Variants in RNF217 observed in about 807,000 individuals in gnomAD.
The protein encoded by RNF217 is E3 ubiquitin-protein ligase RNF217.
RNF217 carries 31 observed loss-of-function variants against 57.8 expected under a neutral mutation model. The observed-to-expected ratio is 0.54, with a 90% CI of 0.40 to 0.72. The LOEUF (loss-of-function observed/expected upper bound fraction) is 0.72, where lower values mean the gene tolerates loss of function less well. Ranked by LOEUF, RNF217 falls within the 30% of genes least tolerant of loss-of-function variation. RNF217 has a pLI of 0.00. For missense variants in RNF217, 696 were observed against 708.3 expected (o/e 0.98, Z 0.20); for synonymous variants, 313 against 294.0 (o/e 1.06, Z -0.66).
chr6:124,980,400 G>A (rs2115012618), intron 1 of RNF217, among the ~76,000 whole-genome samples: 1 of 152,140 alleles, frequency 6.6e-6, no homozygotes, highest in Non-Finnish European at 1.5e-5. Context: ...AAATAACAAA[G>A]GTCTTACTGG....
rs536403047 is a variant in RNF217 at position 125,074,424 on chromosome 6, C to T, written c.1282-2233C>T. On this transcript the variant is annotated intron_variant, in intron 3 of 5. Coordinates refer to ENST00000521654, the MANE Select transcript of RNF217 (RefSeq NM_001286398.3). ...TTTTGTGATTACTATGATTAATGGCCGTTATTAGTTCACAAGCAGCCTCAT... is the reference window on the plus strand; with the variant it reads ...TTTTGTGATTACTATGATTAATGGCTGTTATTAGTTCACAAGCAGCCTCAT... Among the ~76,000 whole-genome samples the T allele has an allele frequency of 1.4e-4, 22 of 151,906 alleles. No individual in the cohort carries two copies. The South Asian group carries it at 3.5e-3, about 24-fold the overall frequency.
Position 125,030,255 on chromosome 6 carries a change from C to CAG in RNF217, c.883-14955_883-14954dup, listed in dbSNP as rs552560362. 1.4e-4 allele frequency among the ~76,000 whole-genome samples: 21 copies of CAG among 152,234 alleles called. 1 individual carries two copies. In the South Asian group the frequency reaches 4.1e-3, roughly 30 times the overall value. On this transcript the variant is annotated intron_variant, in intron 1 of 5. Transcript: ENST00000521654. ...TCAGGTTGAGATTTCAGTGGGGGCA[C>CAG]AGCCAAACCATATCATTCTGCCCCT...
chr6:125,013,391 T>C (rs558248308), intron 1 of RNF217, among the ~76,000 whole-genome samples: 1 of 145,340 alleles, frequency 6.9e-6, no homozygotes, highest in Non-Finnish European at 1.5e-5. Flanking sequence ...GTGTGTGTGC[T>C]GTTTTTGAGA....
intron 1 of RNF217, among the ~76,000 whole-genome samples, chr6:124,979,051 A>C (rs1184871542): frequency 6.6e-6 from 1 of 152,092 alleles, no homozygotes; most frequent in Admixed American, 6.5e-5. Flanking sequence ...ATAGAGAGAG[A>C]GAGTGTAAGA....
intron 1 of RNF217, among the ~76,000 whole-genome samples, chr6:124,997,244 A>G (rs1784789658): frequency 6.6e-6 from 1 of 152,082 alleles, no homozygotes; most frequent in South Asian, 2.1e-4. Context: ...GGCTCCATGT[A>G]TTTGCATGTA....
intron 3 of RNF217, 35 bp downstream of exon 3, chr6:125,058,141 G>A (rs777757267): frequency 2.0e-5 from 31 of 1,579,724 alleles, no homozygotes; most frequent in Non-Finnish European, 2.5e-5. Context: ...GAAAAAACAT[G>A]TACATCTGGA....
At chr6:125,030,961 G>A (rs772813959) in intron 1 of RNF217, among the ~76,000 whole-genome samples, 10 of 152,154 alleles carry the variant, frequency 6.6e-5, no homozygotes, top group Admixed American at 1.3e-4. Context: ...GCATCCGGGC[G>A]TTTCCCTACA....
At position 125,027,507 on chromosome 6, in the gene RNF217, ATAG is replaced by A. The variant is rs1314229655; in HGVS notation, c.883-17701_883-17699del. 7.9e-5 allele frequency among the ~76,000 whole-genome samples: 12 copies of A among 152,312 alleles called. No individual in the cohort carries two copies. The South Asian group carries it at 2.5e-3, about 32-fold the overall frequency. On this transcript the variant is annotated intron_variant, in intron 1 of 5. Coordinates refer to ENST00000521654, the MANE Select transcript of RNF217 (RefSeq NM_001286398.3). Reference sequence around the variant, plus strand: ...GGATGTCATTCTTTTTTATGGCTGAATAGTACTCCATTGTGTATATGTACCACA... The same window carrying A: ...GGATGTCATTCTTTTTTATGGCTGAATACTCCATTGTGTATATGTACCACA...
chr6:124,978,374 G>A (rs896542230), intron 1 of RNF217, among the ~76,000 whole-genome samples: 5 of 151,582 alleles, frequency 3.3e-5, no homozygotes, highest in African/African-American at 7.3e-5. Context: ...GTGGCTCTGC[G>A]CTCAGCCCAT....
chr6:125,079,438 TAA>T (rs760651906), intron 4 of RNF217, among the ~76,000 whole-genome samples: 17 of 125,872 alleles, frequency 1.4e-4, no homozygotes, highest in East Asian at 2.3e-4. Context: ...AATACTCAAT[TAA>T]AAAAAAAAAA....
intron 1 of RNF217, among the ~76,000 whole-genome samples, chr6:125,025,058 G>A (rs1052296689): frequency 6.6e-6 from 1 of 152,178 alleles, no homozygotes; most frequent in Non-Finnish European, 1.5e-5. Context: ...GGATACAGGG[G>A]ACAGAAAGAA....
chr6:124,969,472 T>C (rs1783679570), intron 1 of RNF217, among the ~76,000 whole-genome samples: 1 of 152,226 alleles, frequency 6.6e-6, no homozygotes, highest in Non-Finnish European at 1.5e-5. Context: ...GAATGACTTC[T>C]AGTTTATATC....
chr6:125,037,488 A>G (rs1786685782), intron 1 of RNF217, among the ~76,000 whole-genome samples: 1 of 152,128 alleles, frequency 6.6e-6, no homozygotes, highest in Admixed American at 6.6e-5. Context: ...GAGTCAAGAG[A>G]TTTCTGGAAT....
At chr6:124,985,125 A>C (rs1176903963) in intron 1 of RNF217, among the ~76,000 whole-genome samples, 1 of 152,246 alleles carries the variant, frequency 6.6e-6, no homozygotes, top group Non-Finnish European at 1.5e-5. Context: ...AGTGTCTCAC[A>C]CTTAAAAGTG....
intron 1 of RNF217, among the ~76,000 whole-genome samples, chr6:125,018,466 T>C (rs923876389): frequency 6.6e-6 from 1 of 152,198 alleles, no homozygotes; most frequent in African/African-American, 2.4e-5. Flanking sequence ...ATCTTGTTTG[T>C]GTTTGTTGAA....
chr6:124,983,576 A>G (rs2115020960), intron 1 of RNF217: 1 of 837,116 alleles, frequency 1.2e-6, no homozygotes, highest in Middle Eastern at 6.1e-4. Context: ...CTTCTGTGGT[A>G]GGCTTCACTT....
chr6:125,053,153 TTA>T (rs1787391449), intron 2 of RNF217, among the ~76,000 whole-genome samples: 1 of 152,122 alleles, frequency 6.6e-6, no homozygotes, highest in Non-Finnish European at 1.5e-5. Context: ...CTCTGAACGC[TTA>T]TGTTCCAGCT....
intron 2 of RNF217, among the ~76,000 whole-genome samples, chr6:125,050,891 G>T (rs1413524068): frequency 6.6e-6 from 1 of 151,752 alleles, no homozygotes; most frequent in Admixed American, 6.6e-5. Flanking sequence ...GTTGTTGTTG[G>T]CATAGATTTA....
At chr6:125,082,827 C>T (rs1262276122) in intron 5 of RNF217, 37 bp from the exon 6 acceptor site, 1 of 1,454,540 alleles carries the variant, frequency 6.9e-7, no homozygotes, top group Non-Finnish European at 9.6e-7. Context: ...CTAAATGCCT[C>T]TCATCCTAAC....
Sources: allele counts gnomAD v4.1 joint callset (sites outside exome capture counted in the v4.1 genomes callset), GRCh38; gene constraint gnomAD v4.1.1; transcripts MANE v1.5; gene names NCBI Gene and HGNC (gene_info 2026-07-23, HGNC 2026-07-21).